The following PDPN variants were observed in gnomAD, a reference collection of about 807,000 sequenced individuals.
PDPN encodes podoplanin.
A neutral mutation model predicts 23.2 loss-of-function variants in PDPN; 12 were observed. That is an observed-to-expected ratio of 0.52 (90% confidence interval 0.33 to 0.84). The LOEUF (loss-of-function observed/expected upper bound fraction) is 0.84, where lower values mean the gene tolerates loss of function less well. Ranked by LOEUF, PDPN falls within the 40% of genes least tolerant of loss-of-function variation. PDPN has a pLI of 0.02. For missense variants in PDPN, 199 were observed against 212.2 expected (o/e 0.94, Z 0.39); for synonymous variants, 77 against 76.7 (o/e 1.00, Z -0.02).
At chr1:13,587,775 C>T (rs775985812) in intron 1 of PDPN, among the ~76,000 whole-genome samples, 1 of 152,098 alleles carries the variant, frequency 6.6e-6, no homozygotes, top group African/African-American at 2.4e-5. Context: ...GCTAGAGCCC[C>T]GGTAGGGAAT....
chr1:13,585,146 C>T (rs1004223060), intron 1 of PDPN, among the ~76,000 whole-genome samples: 3 of 152,104 alleles, frequency 2.0e-5, no homozygotes, highest in African/African-American at 7.2e-5. Flanking sequence ...CTGGAGGTTG[C>T]TGAGTTATGC....
chr1:13,591,773 C>T (rs1016404228), intron 1 of PDPN, among the ~76,000 whole-genome samples: 1 of 152,226 alleles, frequency 6.6e-6, no homozygotes, highest in South Asian at 2.1e-4. Context: ...TAGCTCACGA[C>T]AGCCTCAGAT....
chr1:13,586,690 T>A (rs527349088), intron 1 of PDPN, among the ~76,000 whole-genome samples: 1 of 149,080 alleles, frequency 6.7e-6, no homozygotes, highest in South Asian at 2.1e-4. Flanking sequence ...TATCTCGGAA[T>A]ATACCAGAAC....
At chr1:13,593,702 TC>T (rs1640414981) in intron 1 of PDPN, among the ~76,000 whole-genome samples, 2 of 152,278 alleles carry the variant, frequency 1.3e-5, no homozygotes, top group African/African-American at 4.8e-5. Flanking sequence ...CAGGGCATGC[TC>T]AGCTGACAGC....
chr1:13,595,971 G>C (rs1315224518), intron 1 of PDPN: 1 of 813,760 alleles, frequency 1.2e-6, no homozygotes. Flanking sequence ...GCTGAGGCGG[G>C]CAGATCACCT....
chr1:13,595,740 G>A (rs1465471297), intron 1 of PDPN: 2 of 552,038 alleles, frequency 3.6e-6, no homozygotes, highest in Non-Finnish European at 6.3e-6. Flanking sequence ...GCATGGCGCT[G>A]CTCACACGAA....
chr1:13,587,447 A>C (rs181771096), intron 1 of PDPN, among the ~76,000 whole-genome samples: 1 of 152,260 alleles, frequency 6.6e-6, no homozygotes, highest in East Asian at 1.9e-4. Context: ...GAGGCAGGCC[A>C]GGTTATAACT....
At chr1:13,586,911 G>A (rs905441988) in intron 1 of PDPN, among the ~76,000 whole-genome samples, 1 of 152,122 alleles carries the variant, frequency 6.6e-6, no homozygotes, top group Non-Finnish European at 1.5e-5. Context: ...AATTAGTTGG[G>A]CATGGTGGTG....
intron 1 of PDPN, among the ~76,000 whole-genome samples, chr1:13,601,905 G>A (rs1640649875): frequency 6.6e-6 from 1 of 152,220 alleles, no homozygotes; most frequent in Non-Finnish European, 1.5e-5. Flanking sequence ...GAGAAAACAA[G>A]TTTAAGAAGT....
chr1:13,602,494 A>G (rs1054892806), intron 1 of PDPN, among the ~76,000 whole-genome samples: 2 of 152,254 alleles, frequency 1.3e-5, no homozygotes, highest in Non-Finnish European at 2.9e-5. Flanking sequence ...ATAAAACCAG[A>G]AGACTGAAAT....
intron 1 of PDPN, among the ~76,000 whole-genome samples, chr1:13,590,547 G>A (rs1640313760): frequency 6.6e-6 from 1 of 152,156 alleles, no homozygotes; most frequent in Non-Finnish European, 1.5e-5. Context: ...AGGTGGCAGG[G>A]ACAGTTGGTC....
chr1:13,587,559 T>TA (rs1570006982), intron 1 of PDPN, among the ~76,000 whole-genome samples: 1 of 152,278 alleles, frequency 6.6e-6, no homozygotes, highest in East Asian at 1.9e-4. Context: ...TCAGATGCTG[T>TA]AGGGCTTTTC....
intron 5 of PDPN, among the ~76,000 whole-genome samples, chr1:13,615,404 G>A (rs190625065): frequency 6.0e-5 from 9 of 151,210 alleles, no homozygotes; most frequent in South Asian, 2.1e-4. Context: ...CCCTGCCTCC[G>A]CCTCTCAAGT....
rs1641106877 is a variant in PDPN, at chr1:13,617,538, A to G, written c.*1627A>G. 6.6e-6 allele frequency: 1 copy of G among 152,042 alleles called. No individual in the cohort carries two copies. Among genetic ancestry groups the G allele is most frequent in the Admixed American group, 6.6e-5 (1 of 15,264 alleles). The allele number at this position is 152,042 out of a possible 1,614,324, so 9.4% of individuals were successfully genotyped here. On this transcript the variant is annotated 3_prime_UTR_variant, in exon 6 of 6. Coordinates refer to ENST00000621990, the MANE Select transcript of PDPN (RefSeq NM_006474.5). ...CAGGTTCCTACCACCACACCCGGCCAATTTTTGTATTTTTAGTAGAGATGG... is the reference window on the plus strand; with the variant it reads ...CAGGTTCCTACCACCACACCCGGCCGATTTTTGTATTTTTAGTAGAGATGG...
Position 13,616,053 on chromosome 1 carries a change from C to T in PDPN, c.*142C>T, listed in dbSNP as rs1055701. The T allele has an allele frequency of 1.3e-6, 1 of 752,410 alleles. No individual in the cohort carries two copies. Among genetic ancestry groups the T allele is most frequent in the East Asian group, 2.5e-5 (1 of 39,710 alleles). The allele number at this position is 752,410 out of a possible 1,614,324, so 46.6% of individuals were successfully genotyped here. Reference sequence around the variant, plus strand: ...CTCAGAATCCACGGTGACCTCTCCGCTTGCCAAAATAACCGAAGGAAAGAC... The same window carrying T: ...CTCAGAATCCACGGTGACCTCTCCGTTTGCCAAAATAACCGAAGGAAAGAC... On this transcript the variant is annotated 3_prime_UTR_variant, in exon 6 of 6. Coordinates refer to ENST00000621990, the MANE Select transcript of PDPN (RefSeq NM_006474.5).
rs1641084234 is a variant in PDPN, at chr1:13,616,772, A to G, written c.*861A>G. On this transcript the variant is annotated 3_prime_UTR_variant, in exon 6 of 6. Coordinates refer to ENST00000621990, the MANE Select transcript of PDPN (RefSeq NM_006474.5). ...GGCTGCTTTGTTCTGGAATATGGAT[A>G]TCTCAGCCTGGATGCCGAGGAAGCT... The G allele has an allele frequency of 6.6e-6, 1 of 152,278 alleles. No individual in the cohort carries two copies. Among genetic ancestry groups the G allele is most frequent in the South Asian group, 2.1e-4 (1 of 4,834 alleles). The allele number at this position is 152,278 out of a possible 1,614,324, so 9.4% of individuals were successfully genotyped here.
chr1:13,606,670 A>G (rs888421896), intron 1 of PDPN, among the ~76,000 whole-genome samples: 22 of 152,186 alleles, frequency 1.4e-4, no homozygotes, highest in Non-Finnish European at 3.1e-4. Flanking sequence ...CCTGTCTCTT[A>G]AGAAAAATTA....
At chr1:13,612,995 TTTA>T (rs201328633) in intron 3 of PDPN, among the ~76,000 whole-genome samples, 4 of 138,834 alleles carry the variant, frequency 2.9e-5, no homozygotes, top group Admixed American at 8.0e-5. Flanking sequence ...AAAAGACATT[TTTA>T]TTTTTAAATA....
At chr1:13,589,740 C>T (rs888139133) in intron 1 of PDPN, among the ~76,000 whole-genome samples, 4 of 152,280 alleles carry the variant, frequency 2.6e-5, no homozygotes, top group South Asian at 2.1e-4. Context: ...AGCTTGAATC[C>T]GTGCCACTGA....
Sources: allele counts gnomAD v4.1 joint callset (sites outside exome capture counted in the v4.1 genomes callset), GRCh38; gene constraint gnomAD v4.1.1; transcripts MANE v1.5; gene names NCBI Gene and HGNC (gene_info 2026-07-23, HGNC 2026-07-21).